MEMO1: variants seen among roughly 807,000 people sequenced by gnomAD.
MEMO1 encodes the protein mediator of cell motility 1, also known as protein MEMO1.
A neutral mutation model predicts 45.2 loss-of-function variants in MEMO1; 6 were observed. The ratio of observed to expected loss-of-function variants is 0.13; its 90% CI spans 0.07 to 0.26. The LOEUF (loss-of-function observed/expected upper bound fraction) is 0.26. Among genes scored for constraint, MEMO1 ranks in the 10% least tolerant of loss-of-function variants. The pLI is 1.00. For missense variants in MEMO1, 184 were observed against 370.5 expected (o/e 0.50, Z 4.13); for synonymous variants, 78 against 124.3 (o/e 0.63, Z 2.48).
chr2:31,914,961 T>TA (rs34556047), intron 6 of MEMO1, among the ~76,000 whole-genome samples: 36,601 of 120,102 alleles, frequency 0.3, 5,461 homozygotes, highest in East Asian at 0.55. Flanking sequence ...TGTCTCTTTT[T>TA]AAAAAAAAAA....
chr2:31,928,005 T>G (rs1300793597), intron 4 of MEMO1, among the ~76,000 whole-genome samples: 1 of 152,256 alleles, frequency 6.6e-6, no homozygotes, highest in Non-Finnish European at 1.5e-5. Context: ...ATGCCTGTTT[T>G]ATTAATCACT....
At chr2:31,982,715 C>T (rs1195602314) in intron 2 of MEMO1, among the ~76,000 whole-genome samples, 1 of 151,704 alleles carries the variant, frequency 6.6e-6, no homozygotes, top group African/African-American at 2.4e-5. Context: ...AAAACTTATA[C>T]TCTAGCTGGT....
At chr2:31,956,480 G>A (rs1490316242) in intron 2 of MEMO1, among the ~76,000 whole-genome samples, 3 of 152,124 alleles carry the variant, frequency 2.0e-5, no homozygotes, top group Non-Finnish European at 4.4e-5. Flanking sequence ...CCTTCTGTAA[G>A]AGCTTTCACT....
At chr2:31,969,159 A>G (rs1031314344) in intron 2 of MEMO1, among the ~76,000 whole-genome samples, 4 of 151,848 alleles carry the variant, frequency 2.6e-5, no homozygotes, top group Admixed American at 1.3e-4. Flanking sequence ...GTAAGACTAT[A>G]TTAAATACAC....
intron 3 of MEMO1, among the ~76,000 whole-genome samples, chr2:31,934,412 G>C (rs1295815605): frequency 6.6e-6 from 1 of 151,304 alleles, no homozygotes; most frequent in African/African-American, 2.4e-5. Context: ...AGAAACACTG[G>C]ATTCTTCCCA....
chr2:31,910,215 G>C (rs771143423), intron 6 of MEMO1, among the ~76,000 whole-genome samples: 1 of 152,074 alleles, frequency 6.6e-6, no homozygotes, highest in Non-Finnish European at 1.5e-5. Flanking sequence ...CAAAAATTGA[G>C]GGAGTTTGTC....
rs536531335 is a variant in MEMO1 at position 31,888,619 on chromosome 2, A to G, written c.580+3373T>C. Among the ~76,000 whole-genome samples the G allele has an allele frequency of 4.6e-5, 7 of 152,238 alleles. 1 individual carries two copies. In the East Asian group the frequency reaches 1.3e-3, roughly 29 times the overall value. On this transcript the variant is annotated intron_variant, in intron 7 of 9. Coordinates refer to ENST00000404530, the MANE Select transcript of MEMO1 (RefSeq NM_001301833.4). ...TTGGAACAATTTATTTAACCATGGT[A>G]AAGCACACAGACTAGTGGCAAATGT...
intron 2 of MEMO1, among the ~76,000 whole-genome samples, chr2:31,977,691 C>G (rs1163484704): frequency 6.6e-6 from 1 of 151,968 alleles, no homozygotes; most frequent in Non-Finnish European, 1.5e-5. Flanking sequence ...ACCACCACGC[C>G]TGGCTAATTT....
chr2:31,944,844 A>T (rs1233033499), intron 2 of MEMO1, among the ~76,000 whole-genome samples: 1 of 152,144 alleles, frequency 6.6e-6, no homozygotes, highest in African/African-American at 2.4e-5. Context: ...TAAAACTTTT[A>T]ATCATTAAAT....
intron 5 of MEMO1, among the ~76,000 whole-genome samples, chr2:31,918,781 T>G (rs1681853358): frequency 6.6e-6 from 1 of 152,158 alleles, no homozygotes; most frequent in African/African-American, 2.4e-5. Flanking sequence ...TAGCATAGAA[T>G]AGAACCAATT....
intron 2 of MEMO1, among the ~76,000 whole-genome samples, chr2:32,000,025 C>A (rs1673084740): frequency 6.6e-6 from 1 of 151,820 alleles, no homozygotes; most frequent in Admixed American, 6.6e-5. Flanking sequence ...CACAAGCACA[C>A]ATCAGCACAT....
chr2:31,941,725 G>T (rs1317254554), intron 3 of MEMO1, among the ~76,000 whole-genome samples: 4 of 152,138 alleles, frequency 2.6e-5, no homozygotes, highest in Admixed American at 2.0e-4. Flanking sequence ...TACCAATGAG[G>T]AGCTGAAATC....
chr2:31,894,792 T>C (rs749281302), intron 6 of MEMO1, among the ~76,000 whole-genome samples: 1 of 152,134 alleles, frequency 6.6e-6, no homozygotes, highest in Admixed American at 6.5e-5. Context: ...AAACAGACTA[T>C]ACTTAGTTGA....
Position 31,983,464 on chromosome 2 carries a change from G to A in MEMO1, c.61+26723C>T, listed in dbSNP as rs188549480. ...TTTTTTGTTTTTGAGACAGAGTTTC[G>A]CTCTTGTTGCCCAGGCCAGAGTGAG... On this transcript the variant is annotated intron_variant, in intron 2 of 9. Coordinates refer to ENST00000404530, the MANE Select transcript of MEMO1 (RefSeq NM_001301833.4). Among the ~76,000 whole-genome samples, 259 of 151,998 alleles carry A rather than the reference G, an allele frequency of 1.7e-3. 1 individual carries two copies. The highest frequency in any genetic ancestry group is 5.4e-3 in the African/African-American group (224 of 41,476).
chr2:31,921,701 T>C (rs956550296), intron 4 of MEMO1, among the ~76,000 whole-genome samples: 1 of 152,130 alleles, frequency 6.6e-6, no homozygotes, highest in Admixed American at 6.5e-5. Flanking sequence ...ATACAAAATA[T>C]CCATTATAAA....
chr2:31,905,485 A>T (rs1679526569), intron 6 of MEMO1, among the ~76,000 whole-genome samples: 1 of 152,250 alleles, frequency 6.6e-6, no homozygotes. Context: ...AAGAAAGGGC[A>T]TACTTCAGGT....
intron 7 of MEMO1, among the ~76,000 whole-genome samples, chr2:31,888,264 T>C (rs1238014496): frequency 2.6e-5 from 4 of 151,938 alleles, no homozygotes; most frequent in Non-Finnish European, 4.4e-5. Context: ...GCCTCCCACA[T>C]AGCTAGGACT....
intron 2 of MEMO1, among the ~76,000 whole-genome samples, chr2:31,975,086 C>T (rs867483941): frequency 3.0e-4 from 45 of 151,630 alleles, no homozygotes; most frequent in African/African-American, 9.9e-4. Context: ...GCAGGAGAAT[C>T]GCTTGAAACT....
intron 4 of MEMO1, among the ~76,000 whole-genome samples, chr2:31,924,265 C>T (rs1047055785): frequency 3.3e-5 from 5 of 151,974 alleles, no homozygotes; most frequent in African/African-American, 1.2e-4. Context: ...AAAGTTCATG[C>T]ATTTTCTTTG....
Sources: allele counts gnomAD v4.1 joint callset (sites outside exome capture counted in the v4.1 genomes callset), GRCh38; gene constraint gnomAD v4.1.1; transcripts MANE v1.5; gene names NCBI Gene and HGNC (gene_info 2026-07-23, HGNC 2026-07-21).